CENPF: variants seen among roughly 807,000 people sequenced by gnomAD.
The protein encoded by CENPF is centromere protein F.
A neutral mutation model predicts 307.3 loss-of-function variants in CENPF; 214 were observed. That is an observed-to-expected ratio of 0.70 (90% CI 0.62 to 0.78). CENPF has a LOEUF of 0.78. Among genes scored for constraint, CENPF ranks in the 30% least tolerant of loss-of-function variants. The pLI, the probability that CENPF is intolerant of heterozygous loss-of-function variation, is 0.00. For missense variants in CENPF, 3,401 were observed against 3,483.9 expected (o/e 0.98, Z 0.60); for synonymous variants, 1,259 against 1,270.6 (o/e 0.99, Z 0.19).
chr1:214,628,712 A>G (rs1657723866), intron 7 of CENPF, among the ~76,000 whole-genome samples: 1 of 152,228 alleles, frequency 6.6e-6, no homozygotes. Context: ...CACAAAATCC[A>G]TTATGCTTGA....
At chr1:214,653,088 A>G (rs1658534127) in intron 16 of CENPF, 99 bp downstream of exon 16, 1 of 1,230,046 alleles carries the variant, frequency 8.1e-7, no homozygotes, top group African/African-American at 1.5e-5. Context: ...TCATTTTATG[A>G]AAATTTTTGG....
In CENPF at chr1:214,646,237, C is replaced by A; in HGVS notation, c.6667C>A (p.Gln2223Lys). ...TCTGACAAAACAAATACAAGAAAAACAAGGTCAGTTGTCAGAACTAGACAA... is the reference window on the plus strand; with the variant it reads ...TCTGACAAAACAAATACAAGAAAAAAAAGGTCAGTTGTCAGAACTAGACAA... ...ENLTKQIQEK[Q>K]GQLSELDKLL... The change falls in exon 13 of 20, where the codon CAA (glutamine) becomes AAA (lysine). Residue 2223 changes from glutamine to lysine, a missense_variant. Physicochemically the swap from Gln to Lys is moderately conservative, Grantham distance 53. Transcript: ENST00000366955. The A allele has an allele frequency of 1.2e-6, 2 of 1,613,526 alleles. No individual in the cohort carries two copies. The highest frequency in any genetic ancestry group is 1.7e-6 in the Non-Finnish European group (2 of 1,179,906).
In CENPF at chr1:214,608,349, G is replaced by A. The variant is rs1657096727; in HGVS notation, c.-42+5028G>A. On this transcript the variant is annotated intron_variant, in intron 1 of 19. Transcript: ENST00000366955. ...GGGCCTGCCAGGCGGCGTCGATGTC[G>A]GCATAGAGGTTCCTCTCGGAAGGCC... 5.0e-6 allele frequency: 8 copies of A among 1,610,330 alleles called. No individual in the cohort carries two copies. The Admixed American group carries it at 5.0e-5, about 10-fold the overall frequency.
chr1:214,628,018 C>T (rs1281424691), intron 7 of CENPF, among the ~76,000 whole-genome samples: 1 of 152,102 alleles, frequency 6.6e-6, no homozygotes, highest in Non-Finnish European at 1.5e-5. Flanking sequence ...GTTGAGCTGG[C>T]AGCAGACCTG....
chr1:214,653,575 T>G (rs1486756576), intron 16 of CENPF: 1 of 154,484 alleles, frequency 6.5e-6, no homozygotes, highest in Non-Finnish European at 1.5e-5. Context: ...TTTTCATTCC[T>G]ACAGATATTT....
At chr1:214,630,011 T>A (rs1465010001) in intron 8 of CENPF, among the ~76,000 whole-genome samples, 4 of 152,184 alleles carry the variant, frequency 2.6e-5, no homozygotes, top group African/African-American at 7.2e-5. Context: ...AAAAGTACCA[T>A]ACGGATTAAG....
At chr1:214,620,421 A>C (rs1353273091) in intron 5 of CENPF, among the ~76,000 whole-genome samples, 1 of 152,226 alleles carries the variant, frequency 6.6e-6, no homozygotes, top group Admixed American at 6.5e-5. Flanking sequence ...TATTTTGAAT[A>C]GATTGGGCAT....
intron 7 of CENPF, among the ~76,000 whole-genome samples, chr1:214,622,601 G>T (rs530932317): frequency 1.3e-5 from 2 of 152,284 alleles, no homozygotes; most frequent in South Asian, 4.1e-4. Context: ...GCACTTAATG[G>T]CACTTTAAAG....
At chr1:214,617,815 C>G (rs943178689) in intron 3 of CENPF, among the ~76,000 whole-genome samples, 2 of 152,134 alleles carry the variant, frequency 1.3e-5, no homozygotes, top group African/African-American at 2.4e-5. Flanking sequence ...TTCTGAAGTT[C>G]TAGGTTCTTT....
At chr1:214,649,783 G>A (rs972128395) in intron 14 of CENPF, among the ~76,000 whole-genome samples, 4 of 152,194 alleles carry the variant, frequency 2.6e-5, no homozygotes, top group African/African-American at 9.7e-5. Flanking sequence ...TCCCAAGTGC[G>A]TCATTATTGT....
In CENPF at chr1:214,622,121, G is replaced by A; in HGVS notation, c.908G>A (p.Gly303Glu). 1.2e-6 allele frequency: 2 copies of A among 1,613,984 alleles called. No individual in the cohort carries two copies. The highest frequency in any genetic ancestry group is 1.7e-6 in the Non-Finnish European group (2 of 1,179,968). The change falls in exon 7 of 20, where the codon GGA becomes GAA. Residue 303 changes from glycine (G) to glutamate (E), a missense_variant. Coordinates refer to ENST00000366955, the MANE Select transcript of CENPF (RefSeq NM_016343.4). Reference protein sequence around the residue: ...KINELELRLQGHEKEMKGQVN... With the variant: ...KINELELRLQEHEKEMKGQVN... ...AATGAGTTGGAACTACGCCTGCAAG[G>A]ACATGAAAAAGAAATGAAAGGCCAA...
chr1:214,621,995 A>C (rs1657518056), intron 6 of CENPF, 84 bp from the exon 7 acceptor site: 1 of 1,107,842 alleles, frequency 9.0e-7, no homozygotes, highest in African/African-American at 1.6e-5. Context: ...AAGATTTCAG[A>C]AAAGAATAAA....
Position 214,646,076 on chromosome 1 carries a change from A to T in CENPF, c.6506A>T (p.Asn2169Ile), listed in dbSNP as rs1407444478. The change falls in exon 13 of 20, where the codon AAC (asparagine) becomes ATC (isoleucine). Residue 2169 changes from asparagine (N) to isoleucine (I), a missense_variant. Transcript: ENST00000366955. ...LERELQMSEENQELVILDAEN... is the reference protein window; with the variant it reads ...LERELQMSEEIQELVILDAEN... The stretch of plus-strand genomic sequence containing the variant: ...AGGGAATTGCAGATGTCAGAAGAAA[A>T]CCAGGAGCTAGTGATTCTTGATGCC... 6.2e-7 allele frequency: 1 copy of T among 1,613,974 alleles called. No homozygotes were observed. Among genetic ancestry groups the T allele is most frequent in the Non-Finnish European group, 8.5e-7 (1 of 1,180,034 alleles).
In CENPF at chr1:214,659,049, G is replaced by A. The variant is rs566710685; in HGVS notation, c.9141+21G>A. On this transcript the variant is annotated intron_variant, in intron 19 of 19. Transcript: ENST00000366955. The surrounding 1 kb of genome is among the most constrained non-coding windows in gnomAD (Gnocchi z 4.4). ...AAAAGGTAAACTACTGTCAACATCC[G>A]TCTACTGTTTGAGATCCAGAAAATT... 2.3e-5 allele frequency: 37 copies of A among 1,612,672 alleles called. No homozygotes were observed. Among genetic ancestry groups the A allele is most frequent in the African/African-American group, 1.3e-4 (10 of 74,974 alleles).
In CENPF at chr1:214,663,303, T is replaced by C. The variant is rs1480070726; in HGVS notation, c.9142-288T>C. On this transcript the variant is annotated intron_variant, in intron 19 of 19. Transcript: ENST00000366955. ...TTAGGAATTCACTGGATGTGTACCA[T>C]GTGGTCAAGCATGTTGTGGGCTCTA... Among the ~76,000 whole-genome samples the C allele has an allele frequency of 2.0e-5, 3 of 152,264 alleles. No homozygotes were observed. In the East Asian group the frequency reaches 5.8e-4, roughly 30 times the overall value.
chr1:214,651,182 G>A (rs1010754764), intron 14 of CENPF, among the ~76,000 whole-genome samples: 19 of 152,142 alleles, frequency 1.2e-4, no homozygotes, highest in African/African-American at 4.3e-4. Context: ...GGTCAGGCAC[G>A]GAGAAGACAA....
chr1:214,658,400 G>A (rs1490497072), intron 18 of CENPF, among the ~76,000 whole-genome samples: 2 of 151,894 alleles, frequency 1.3e-5, no homozygotes, highest in East Asian at 3.9e-4. Flanking sequence ...TGAGAGTGCT[G>A]GCCTGAAGTA....
intron 7 of CENPF, among the ~76,000 whole-genome samples, chr1:214,625,538 A>C (rs1383210141): frequency 6.6e-6 from 1 of 152,092 alleles, no homozygotes. Flanking sequence ...TCTATCTTTT[A>C]ATGGGTATAT....
intron 1 of CENPF, chr1:214,608,432 G>T: frequency 6.2e-7 from 1 of 1,613,322 alleles, no homozygotes; most frequent in Non-Finnish European, 8.5e-7. Flanking sequence ...CAATGGAGGC[G>T]GGAGCCCAGG....
Sources: allele counts gnomAD v4.1 joint callset (sites outside exome capture counted in the v4.1 genomes callset), GRCh38; gene constraint gnomAD v4.1.1; non-coding constraint Gnocchi (gnomAD v3.1); transcripts MANE v1.5; gene names NCBI Gene and HGNC (gene_info 2026-07-23, HGNC 2026-07-21).